Variants in FGF1 observed in about 807,000 individuals in gnomAD.
FGF1 encodes the protein fibroblast growth factor 1.
Under a neutral mutation model 13.4 loss-of-function variants are expected in FGF1, and 9 were observed. That is an observed-to-expected ratio of 0.67 (90% confidence interval 0.40 to 1.17). FGF1 has a LOEUF of 1.17. Among genes scored for constraint, FGF1 ranks in the 50% most tolerant of loss-of-function variants. The pLI, the probability that FGF1 is intolerant of heterozygous loss-of-function variation, is 0.01. For missense variants in FGF1, 156 were observed against 192.7 expected, an observed-to-expected ratio of 0.81 and a Z score of 1.13; for synonymous variants, 93 against 79.0, an observed-to-expected ratio of 1.18 and a Z score of -0.94.
Position 142,623,347 on chromosome 5 carries a change from C to CTT in FGF1, c.-34-9188_-34-9187dup, listed in dbSNP as rs34106306. On this transcript the variant is annotated intron_variant, in intron 1 of 3. Transcript: ENST00000337706. ...TCACCAGCTGTGTACCCTTTTGACA[C>CTT]TTTTTTTTTTTTTTTGAGACAGAGT... is the stretch of plus-strand genomic sequence containing the variant. 1.9e-3 allele frequency among the ~76,000 whole-genome samples: 278 copies of CTT among 144,848 alleles called. 1 individual carries two copies. Among genetic ancestry groups the CTT allele is most frequent in the African/African-American group, 6.7e-3 (265 of 39,526 alleles).
chr5:142,677,652 A>T (rs1202137774), intron 1 of FGF1, among the ~76,000 whole-genome samples: 2 of 152,186 alleles, frequency 1.3e-5, no homozygotes, highest in Non-Finnish European at 2.9e-5. Flanking sequence ...CAGAGGGTAG[A>T]AGGTCCCATT....
At chr5:142,616,285 AC>A (rs1171495503) in intron 1 of FGF1, among the ~76,000 whole-genome samples, 1 of 152,164 alleles carries the variant, frequency 6.6e-6, no homozygotes, top group East Asian at 1.9e-4. Context: ...CCACTCTGCC[AC>A]CACATGGGCC....
intron 1 of FGF1, among the ~76,000 whole-genome samples, chr5:142,684,338 T>C (rs1443341133): frequency 2.0e-5 from 3 of 152,230 alleles, no homozygotes; most frequent in Admixed American, 2.0e-4. Context: ...ATGGCTTCCT[T>C]GATCCTTTGC....
chr5:142,607,658 A>G (rs1200097635), intron 2 of FGF1, among the ~76,000 whole-genome samples: 4 of 152,320 alleles, frequency 2.6e-5, no homozygotes, highest in Non-Finnish European at 5.9e-5. Flanking sequence ...TGTGCCCGCA[A>G]TAGAATCCAG....
At chr5:142,618,071 A>T (rs1597145735) in intron 1 of FGF1, among the ~76,000 whole-genome samples, 1 of 151,938 alleles carries the variant, frequency 6.6e-6, no homozygotes, top group South Asian at 2.1e-4. Flanking sequence ...AGAGGAGGGG[A>T]TTGTCTGTGT....
intron 2 of FGF1, among the ~76,000 whole-genome samples, chr5:142,695,587 G>GAAA (rs70991777): frequency 8.7e-6 from 1 of 115,304 alleles, no homozygotes; most frequent in African/African-American, 2.8e-5. Flanking sequence ...GTATCAAAAA[G>GAAA]AAAAAAAAAA....
intron 1 of FGF1, among the ~76,000 whole-genome samples, chr5:142,650,503 AT>A (rs1339145285): frequency 6.6e-6 from 1 of 152,162 alleles, no homozygotes; most frequent in Admixed American, 6.6e-5. Flanking sequence ...CCTCCTAGGA[AT>A]TTTAAGAAGA....
intron 2 of FGF1, among the ~76,000 whole-genome samples, chr5:142,607,249 C>T (rs1205838846): frequency 6.6e-6 from 1 of 152,142 alleles, no homozygotes; most frequent in African/African-American, 2.4e-5. Context: ...GATGAGGCAC[C>T]TCTAAAGCTC....
chr5:142,604,256 A>G (rs1435216588), intron 2 of FGF1, among the ~76,000 whole-genome samples: 1 of 152,218 alleles, frequency 6.6e-6, no homozygotes, highest in Non-Finnish European at 1.5e-5. Context: ...ATTGTATGGT[A>G]TGTGTGTTAT....
intron 3 of FGF1, among the ~76,000 whole-genome samples, chr5:142,599,238 TA>T (rs1282061919): frequency 5.9e-5 from 9 of 152,256 alleles, no homozygotes; most frequent in African/African-American, 2.2e-4. Context: ...AGAACTACCT[TA>T]AAAAAATCCC....
chr5:142,628,529 T>C (rs374900902), intron 1 of FGF1, among the ~76,000 whole-genome samples: 1 of 152,182 alleles, frequency 6.6e-6, no homozygotes, highest in South Asian at 2.1e-4. Flanking sequence ...AGGCTAGAGA[T>C]AGTTGCCAAT....
chr5:142,605,365 C>A (rs1378984980), intron 2 of FGF1, among the ~76,000 whole-genome samples: 1 of 151,654 alleles, frequency 6.6e-6, no homozygotes, highest in Non-Finnish European at 1.5e-5. Flanking sequence ...AGGCGATCCA[C>A]CCCCCTCGGC....
At chr5:142,668,561 A>G (rs181792044) in intron 1 of FGF1, among the ~76,000 whole-genome samples, 1 of 152,310 alleles carries the variant, frequency 6.6e-6, no homozygotes, top group East Asian at 1.9e-4. Flanking sequence ...GGTCAAGGGC[A>G]TGGGTTTTGA....
At chr5:142,608,667 A>T (rs1361559828) in intron 2 of FGF1, among the ~76,000 whole-genome samples, 1 of 145,866 alleles carries the variant, frequency 6.9e-6, no homozygotes, top group African/African-American at 2.5e-5. Flanking sequence ...GGTCTGAAAA[A>T]GTTGTCTGGA....
rs1416550334 is a variant in FGF1 at position 142,594,082 on chromosome 5, C to A, written c.*1208G>T. 2 of 152,398 alleles carry A rather than the reference C, an allele frequency of 1.3e-5. No individual in the cohort carries two copies. Among genetic ancestry groups the A allele is most frequent in the Non-Finnish European group, 2.9e-5 (2 of 68,036 alleles). The allele number at this position is 152,398 out of a possible 1,614,324, so 9.4% of individuals were successfully genotyped here. On this transcript the variant is annotated 3_prime_UTR_variant, in exon 4 of 4. Transcript: ENST00000337706. Reference sequence around the variant, plus strand: ...ACAGGCATAACTATTGTCAGTGCTGCCTGAATGCTCAGGTAGACTCATGAG... The same window carrying A: ...ACAGGCATAACTATTGTCAGTGCTGACTGAATGCTCAGGTAGACTCATGAG...
intron 1 of FGF1, among the ~76,000 whole-genome samples, chr5:142,619,157 A>C (rs1760953220): frequency 6.6e-6 from 1 of 151,946 alleles, no homozygotes; most frequent in African/African-American, 2.4e-5. Flanking sequence ...GATGGTCTCG[A>C]TCTCCTGACC....
chr5:142,608,542 CTATATATATATATATATATATA>C lies in FGF1; in HGVS notation c.169+5395_169+5416del, dbSNP rs369107817. 6.8e-4 allele frequency among the ~76,000 whole-genome samples: 52 copies of C among 76,030 alleles called. 1 individual carries two copies. Among genetic ancestry groups the C allele is most frequent in the African/African-American group, 1.8e-3 (42 of 23,910 alleles). 49.9% of individuals were successfully genotyped at this position (76,030 alleles called of 152,430 possible). ...CATATATATAAATATATATACACAT[CTATATATATATATATATATATA>C]TATATATATATATATATATACACAC... On this transcript the variant is annotated intron_variant, in intron 2 of 3. Transcript: ENST00000337706.
rs201773510 is a variant in FGF1 at position 142,600,673 on chromosome 5, G to A, written c.273+29C>T. On this transcript the variant is annotated intron_variant, in intron 3 of 3. Coordinates refer to ENST00000337706, the MANE Select transcript of FGF1 (RefSeq NM_000800.5). ...TCTGGAAACCTCAAACCTTGGCCACGTCTGGAAGCATGTCAGCTTCATACT... is the reference window on the plus strand; with the variant it reads ...TCTGGAAACCTCAAACCTTGGCCACATCTGGAAGCATGTCAGCTTCATACT... 219 of 1,502,600 alleles carry A rather than the reference G, an allele frequency of 1.5e-4. 1 individual carries two copies. In the African/African-American group the frequency reaches 1.9e-3, roughly 13 times the overall value. The allele number at this position is 1,502,600 out of a possible 1,614,324, so 93.1% of individuals were successfully genotyped here. A position where few individuals can be genotyped will look rare whatever the true frequency, so the allele number is the denominator to read the frequency against.
intron 1 of FGF1, chr5:142,626,792 T>C (rs1762532371): frequency 6.6e-6 from 1 of 152,284 alleles, no homozygotes; most frequent in South Asian, 2.1e-4. Context: ...CCATTTGCCA[T>C]TGCAGATGAA....
Sources: gnomAD v4.1 joint callset for allele counts (sites outside exome capture counted in the v4.1 genomes callset) on GRCh38, gnomAD v4.1.1 for gene constraint, MANE v1.5 for transcripts, NCBI Gene and HGNC (gene_info 2026-07-23, HGNC 2026-07-21) for gene names.